Variants in ZNF605 observed in about 807,000 individuals in gnomAD.
The protein encoded by ZNF605 is zinc finger protein 605.
In ZNF605, 9 loss-of-function variants were observed where a neutral mutation model predicts 7.9. The observed-to-expected ratio is 1.14, with a 90% CI of 0.68 to 1.98. ZNF605 has a LOEUF of 1.98. Ranked by LOEUF, ZNF605 falls within the 30% of genes most tolerant of loss-of-function variation. The probability of loss-of-function intolerance (pLI) is 0.00; values close to 1 mark genes in which losing one functional copy is unlikely to be tolerated. For missense variants in ZNF605, 673 were observed against 762.4 expected (o/e 0.88, Z 1.38); for synonymous variants, 255 against 260.1 (o/e 0.98, Z 0.19).
rs1281558427 is a variant in ZNF605, at chr12:132,920,352, G to C, written c.*5021C>G. 1 of 151,652 alleles carries C rather than the reference G, an allele frequency of 6.6e-6. No individual in the cohort carries two copies. Among genetic ancestry groups the C allele is most frequent in the Non-Finnish European group, 1.5e-5 (1 of 68,002 alleles). 9.4% of individuals were successfully genotyped at this position (151,652 alleles called of 1,614,324 possible). On this transcript the variant is annotated 3_prime_UTR_variant, in exon 5 of 5. Coordinates refer to ENST00000360187, the MANE Select transcript of ZNF605 (RefSeq NM_183238.4). Reference sequence around the variant, plus strand: ...GACGGGGTTTCACCGTGTTAGCCAGGATGGTCTCGATCTCCTGACCTCGTG... The same window carrying C: ...GACGGGGTTTCACCGTGTTAGCCAGCATGGTCTCGATCTCCTGACCTCGTG...
chr12:132,941,255 CT>C lies in ZNF605; in HGVS notation c.15+4365del, dbSNP rs1431534307. 1.3e-5 allele frequency among the ~76,000 whole-genome samples: 2 copies of C among 152,152 alleles called. No individual in the cohort carries two copies. Among genetic ancestry groups the C allele is most frequent in the African/African-American group, 4.8e-5 (2 of 41,436 alleles). Reference sequence around the variant, plus strand: ...GGCCTAGACCGAGCCTCCGCGTGTGCTGCTTCTGCTCTCAGAAGACGGTGAA... The same window carrying C: ...GGCCTAGACCGAGCCTCCGCGTGTGCGCTTCTGCTCTCAGAAGACGGTGAA... On this transcript the variant is annotated intron_variant, in intron 3 of 4. Coordinates refer to ENST00000360187, the MANE Select transcript of ZNF605 (RefSeq NM_183238.4). The surrounding 1 kb of genome is among the most constrained non-coding windows in gnomAD (Gnocchi z 5.1).
chr12:132,936,753 T>C (rs1952371047), intron 3 of ZNF605, among the ~76,000 whole-genome samples: 1 of 151,006 alleles, frequency 6.6e-6, no homozygotes, highest in Admixed American at 6.6e-5. Flanking sequence ...CATAAAAAAC[T>C]ATAAAACTTT....
chr12:132,953,374 T>C (rs1952593033), intron 1 of ZNF605, among the ~76,000 whole-genome samples: 1 of 152,106 alleles, frequency 6.6e-6, no homozygotes. Context: ...GACCACAGAC[T>C]CCACAGACTG....
Position 132,948,129 on chromosome 12 carries a change from G to C in ZNF605, c.-163+19C>G, listed in dbSNP as rs117419190. 24,507 of 152,132 alleles carry C rather than the reference G, an allele frequency of 0.16. 2,480 individuals are homozygous for C. Among genetic ancestry groups the C allele is most frequent in the Non-Finnish European group, 0.23 (15,772 of 68,010 alleles). 9.4% of individuals were successfully genotyped at this position (152,132 alleles called of 1,614,324 possible). On this transcript the variant is annotated intron_variant, in intron 2 of 4. Transcript: ENST00000360187. Reference sequence around the variant, plus strand: ...ATGAACTCAAAAAGCACCACATCCTGGTACACACGAATGCTCACACTTTAC... The same window carrying C: ...ATGAACTCAAAAAGCACCACATCCTCGTACACACGAATGCTCACACTTTAC...
In ZNF605 at chr12:132,941,403, T is replaced by C. The variant is rs373536193; in HGVS notation, c.15+4218A>G. Among the ~76,000 whole-genome samples the C allele has an allele frequency of 3.9e-3, 587 of 152,308 alleles. 45 individuals are homozygous for C. In the South Asian group the frequency reaches 0.12, roughly 30 times the overall value. Reference sequence around the variant, plus strand: ...GGTAGATCAATGTTTCGCTGTTTCCTTGTGGTTTGGCCCAGCCAACCCCAC... The same window carrying C: ...GGTAGATCAATGTTTCGCTGTTTCCCTGTGGTTTGGCCCAGCCAACCCCAC... On this transcript the variant is annotated intron_variant, in intron 3 of 4. Coordinates refer to ENST00000360187, the MANE Select transcript of ZNF605 (RefSeq NM_183238.4). This position sits in a 1 kb window ranked among gnomAD's most constrained non-coding sequence, Gnocchi z 5.1.
At position 132,926,181 on chromosome 12, in the gene ZNF605, G is replaced by C. The variant is rs770677554; in HGVS notation, c.1118C>G (p.Ala373Gly). Residue 373 changes from alanine to glycine, a missense_variant, in exon 5 of 5, where the codon GCC (alanine) becomes GGC (glycine). By Grantham distance (60) the Ala-to-Gly change is moderately conservative. Transcript: ENST00000360187. ...KPYECNECGEAFIRKPQLIKH... is the reference protein window; with the variant it reads ...KPYECNECGEGFIRKPQLIKH... ...AATCAGCTGTGGTTTTCTGATGAAG[G>C]CTTCACCACATTCGTTGCATTCGTA... is the stretch of plus-strand genomic sequence containing the variant. The C allele has an allele frequency of 2.4e-5, 38 of 1,614,146 alleles. No individual in the cohort carries two copies. The South Asian group carries it at 3.0e-4, about 13-fold the overall frequency.
Position 132,956,222 on chromosome 12 carries a change from C to T in ZNF605, c.-286+21G>A, listed in dbSNP as rs1487572410. ...CAGCCCCGCCGCCTCGTGGTCCCGCCCCCGCTGCACGCTCCCTTACCCCTC... is the reference window on the plus strand; with the variant it reads ...CAGCCCCGCCGCCTCGTGGTCCCGCTCCCGCTGCACGCTCCCTTACCCCTC... On this transcript the variant is annotated intron_variant, in intron 1 of 4. Coordinates refer to ENST00000360187, the MANE Select transcript of ZNF605 (RefSeq NM_183238.4). 5 of 152,268 alleles carry T rather than the reference C, an allele frequency of 3.3e-5. No individual in the cohort carries two copies. In the East Asian group the frequency reaches 7.7e-4, roughly 24 times the overall value. 9.4% of individuals were successfully genotyped at this position (152,268 alleles called of 1,614,324 possible). A position where few individuals can be genotyped will look rare whatever the true frequency, so the allele number is the denominator to read the frequency against.
intron 3 of ZNF605, among the ~76,000 whole-genome samples, chr12:132,942,724 G>A (rs935148914): frequency 2.8e-4 from 43 of 152,212 alleles, no homozygotes; most frequent in Admixed American, 5.2e-4. Flanking sequence ...TTCAGGTCAC[G>A]TTCAGTTTCC....
chr12:132,936,197 G>A (rs1952365151), intron 3 of ZNF605, among the ~76,000 whole-genome samples: 1 of 151,592 alleles, frequency 6.6e-6, no homozygotes, highest in African/African-American at 2.4e-5. Flanking sequence ...AAAATAATCA[G>A]AAGACTATAA....
intron 3 of ZNF605, among the ~76,000 whole-genome samples, chr12:132,934,134 C>G (rs1185992223): frequency 6.6e-6 from 1 of 151,802 alleles, no homozygotes; most frequent in Non-Finnish European, 1.5e-5. Flanking sequence ...CACAAATTAG[C>G]TGGGGGTGGT....
In ZNF605 at chr12:132,951,811, CACAT is replaced by C. The variant is rs1211880036; in HGVS notation, c.-285-3545_-285-3542del. On this transcript the variant is annotated intron_variant, in intron 1 of 4. Coordinates refer to ENST00000360187, the MANE Select transcript of ZNF605 (RefSeq NM_183238.4). ...ATACACATGTACATCACACATCACA[CACAT>C]ACACATACACCACACATACACATAC... Among the ~76,000 whole-genome samples the C allele has an allele frequency of 2.6e-4, 39 of 151,978 alleles. No homozygotes were observed. In the East Asian group the frequency reaches 6.4e-3, roughly 25 times the overall value.
At chr12:132,951,507 GTA>G (rs1952566631) in intron 1 of ZNF605, among the ~76,000 whole-genome samples, 2 of 146,348 alleles carry the variant, frequency 1.4e-5, no homozygotes, top group African/African-American at 5.2e-5. Flanking sequence ...ACACACACAC[GTA>G]CACACACACT....
rs200507742 is a variant in ZNF605 at position 132,933,496 on chromosome 12, A to G, written c.16-341T>C. Among the ~76,000 whole-genome samples, 1 of 152,198 alleles carries G rather than the reference A, an allele frequency of 6.6e-6. No homozygotes were observed. Among genetic ancestry groups the G allele is most frequent in the African/African-American group, 2.4e-5 (1 of 41,450 alleles). ...ATGTGCCGTGGAACTGAGGCTTCCC[A>G]ACAGCCACTGAGTGAGCCTGGAGGA... On this transcript the variant is annotated intron_variant, in intron 3 of 4. Transcript: ENST00000360187. This position sits in a 1 kb window ranked among gnomAD's most constrained non-coding sequence, Gnocchi z 4.4.
At chr12:132,950,711 ACT>A (rs1952549945) in intron 1 of ZNF605, among the ~76,000 whole-genome samples, 1 of 142,050 alleles carries the variant, frequency 7.0e-6, no homozygotes, top group African/African-American at 2.9e-5. Context: ...ATGCACACAC[ACT>A]CACAGATATG....
chr12:132,945,240 A>G, intron 3 of ZNF605: 1 of 647,896 alleles, frequency 1.5e-6, no homozygotes, highest in Non-Finnish European at 2.7e-6. Flanking sequence ...CTGGGATTAC[A>G]GGCATGAGCC....
At chr12:132,938,731 C>T (rs1459285922) in intron 3 of ZNF605, among the ~76,000 whole-genome samples, 1 of 152,174 alleles carries the variant, frequency 6.6e-6, no homozygotes, top group Non-Finnish European at 1.5e-5. Context: ...CCCACTCCCT[C>T]AGCTTGCAGG....
rs1260050891 is a variant in ZNF605 at position 132,942,533 on chromosome 12, A to C, written c.15+3088T>G. The stretch of plus-strand genomic sequence containing the variant: ...CAGGCCCTCTGAAGTCAAGGCCTAA[A>C]CCCAATGATCCAGACTGGACAGAGG... On this transcript the variant is annotated intron_variant, in intron 3 of 4. Transcript: ENST00000360187. Among the ~76,000 whole-genome samples, 4 of 152,318 alleles carry C rather than the reference A, an allele frequency of 2.6e-5. No individual in the cohort carries two copies. The East Asian group carries it at 5.8e-4, about 22-fold the overall frequency.
At chr12:132,953,386 C>A (rs1226154690) in intron 1 of ZNF605, among the ~76,000 whole-genome samples, 2 of 152,178 alleles carry the variant, frequency 1.3e-5, no homozygotes, top group Non-Finnish European at 2.9e-5. Context: ...CACAGACTGG[C>A]ACAGTATAGA....
At chr12:132,927,723 C>T (rs1271350967) in intron 4 of ZNF605, among the ~76,000 whole-genome samples, 2 of 151,404 alleles carry the variant, frequency 1.3e-5, no homozygotes, top group African/African-American at 4.9e-5. Flanking sequence ...GTGGTGCGAT[C>T]TCAGCTCACC....
Sources: gnomAD v4.1 joint callset for allele counts (sites outside exome capture counted in the v4.1 genomes callset) on GRCh38, gnomAD v4.1.1 for gene constraint, Gnocchi (gnomAD v3.1) non-coding constraint, MANE v1.5 for transcripts, NCBI Gene and HGNC (gene_info 2026-07-23, HGNC 2026-07-21) for gene names.